Variants in MTUS2 observed in about 807,000 individuals in gnomAD.
MTUS2 encodes microtubule associated scaffold protein 2.
MTUS2 carries 40 observed loss-of-function variants against 114.1 expected under a neutral mutation model. The ratio of observed to expected loss-of-function variants is 0.35; its 90% CI spans 0.27 to 0.46. MTUS2 has a LOEUF of 0.46. Ranked by LOEUF, MTUS2 falls within the 20% of genes least tolerant of loss-of-function variation. MTUS2 has a pLI of 1.00. For missense variants in MTUS2, 1,679 were observed against 1,705.4 expected (o/e 0.98, Z 0.27); for synonymous variants, 688 against 672.0 (o/e 1.02, Z -0.37).
intron 2 of MTUS2, among the ~76,000 whole-genome samples, chr13:28,921,087 T>A (rs994739960): frequency 2.0e-5 from 3 of 152,210 alleles, no homozygotes; most frequent in African/African-American, 7.2e-5. Flanking sequence ...ACAGAGTCCC[T>A]TTTACATTTC....
intron 8 of MTUS2, among the ~76,000 whole-genome samples, chr13:29,423,190 C>T (rs1287611904): frequency 6.6e-6 from 1 of 152,234 alleles, no homozygotes; most frequent in African/African-American, 2.4e-5. Flanking sequence ...GAAGGAGCTG[C>T]TTCCTTCTCA....
chr13:29,344,600 C>G (rs1566143695), intron 7 of MTUS2, among the ~76,000 whole-genome samples: 1 of 152,078 alleles, frequency 6.6e-6, no homozygotes, highest in African/African-American at 2.4e-5. Flanking sequence ...GAATTCTTAT[C>G]CATTCTGCCA....
chr13:29,224,326 C>T (rs563078267), intron 5 of MTUS2, among the ~76,000 whole-genome samples: 1 of 152,280 alleles, frequency 6.6e-6, no homozygotes, highest in Admixed American at 6.5e-5. Context: ...GTCCTGAGTG[C>T]TTTACATTTT....
intron 6 of MTUS2, among the ~76,000 whole-genome samples, chr13:29,291,017 A>G (rs1013446205): frequency 1.3e-5 from 2 of 152,234 alleles, no homozygotes; most frequent in African/African-American, 4.8e-5. Flanking sequence ...ATAAAGCAAC[A>G]AGACAACCAG....
chr13:28,831,130 A>G (rs773686675), intron 1 of MTUS2, among the ~76,000 whole-genome samples: 1 of 145,160 alleles, frequency 6.9e-6, no homozygotes, highest in African/African-American at 2.6e-5. Context: ...AAAGAGTACA[A>G]ACCACTAAGA....
chr13:29,402,578 C>T (rs1874426487), intron 8 of MTUS2, among the ~76,000 whole-genome samples: 1 of 152,106 alleles, frequency 6.6e-6, no homozygotes, highest in East Asian at 1.9e-4. Flanking sequence ...AAGCAAGGAA[C>T]ACCTGTTGCT....
Position 29,503,821 on chromosome 13 carries a change from T to C in MTUS2, c.*615T>C, listed in dbSNP as rs1319231269. On this transcript the variant is annotated 3_prime_UTR_variant, in exon 16 of 16. Coordinates refer to ENST00000612955, the MANE Select transcript of MTUS2 (RefSeq NM_001033602.4). ...CTCTCTTTAACACGAACACCAGCTA[T>C]TTGTGAACGGTAACTGCCTTTGGAA... The C allele has an allele frequency of 4.3e-6, 1 of 234,134 alleles. No individual in the cohort carries two copies. The highest frequency in any genetic ancestry group is 2.2e-5 in the African/African-American group (1 of 45,100). 14.5% of individuals were successfully genotyped at this position (234,134 alleles called of 1,614,324 possible).
intron 5 of MTUS2, among the ~76,000 whole-genome samples, chr13:29,169,528 T>C (rs1163654850): frequency 3.9e-5 from 6 of 152,178 alleles, no homozygotes; most frequent in African/African-American, 1.4e-4. Context: ...ATTAATCAAG[T>C]ATTTGCATTA....
At chr13:29,391,414 C>T (rs1566176076) in intron 8 of MTUS2, among the ~76,000 whole-genome samples, 3 of 152,160 alleles carry the variant, frequency 2.0e-5, no homozygotes. Flanking sequence ...GGATGTTCAC[C>T]ATGTAAATGG....
At chr13:29,161,035 G>T (rs1413317018) in intron 5 of MTUS2, among the ~76,000 whole-genome samples, 12 of 152,350 alleles carry the variant, frequency 7.9e-5, no homozygotes, top group Non-Finnish European at 1.5e-5. Flanking sequence ...AGGAAGGTGA[G>T]TGTGGTTTTA....
chr13:28,936,195 C>A (rs972719256), intron 2 of MTUS2, among the ~76,000 whole-genome samples: 5 of 152,126 alleles, frequency 3.3e-5, no homozygotes, highest in African/African-American at 9.7e-5. Flanking sequence ...GTGATGTTAG[C>A]GGGAAAGCAG....
chr13:29,312,354 A>G (rs1378194509), intron 6 of MTUS2, among the ~76,000 whole-genome samples: 2 of 152,250 alleles, frequency 1.3e-5, no homozygotes, highest in African/African-American at 4.8e-5. Flanking sequence ...TATATGATAA[A>G]TGAATGAATA....
chr13:28,882,808 A>C (rs1226744990), intron 2 of MTUS2, among the ~76,000 whole-genome samples: 1 of 152,224 alleles, frequency 6.6e-6, no homozygotes, highest in Non-Finnish European at 1.5e-5. Context: ...AAAAAATGAA[A>C]AGGCAAGCCA....
At chr13:29,338,467 G>A (rs1901201804) in intron 7 of MTUS2, among the ~76,000 whole-genome samples, 1 of 152,130 alleles carries the variant, frequency 6.6e-6, no homozygotes, top group Admixed American at 6.5e-5. Context: ...GCGTGAGCCT[G>A]TAATCCCAGT....
chr13:28,892,035 A>G (rs1593275617), intron 2 of MTUS2, among the ~76,000 whole-genome samples: 1 of 151,928 alleles, frequency 6.6e-6, no homozygotes, highest in East Asian at 1.9e-4. Flanking sequence ...GCCTGGCTCT[A>G]GGGCTTCCCT....
At chr13:29,373,007 G>A (rs1056330523) in intron 8 of MTUS2, among the ~76,000 whole-genome samples, 1 of 152,200 alleles carries the variant, frequency 6.6e-6, no homozygotes, top group African/African-American at 2.4e-5. Flanking sequence ...AAAATTAGTG[G>A]TGAACATACA....
chr13:29,337,637 G>T (rs1234445327), intron 7 of MTUS2, among the ~76,000 whole-genome samples: 2 of 148,294 alleles, frequency 1.3e-5, no homozygotes, highest in Non-Finnish European at 3.0e-5. Flanking sequence ...GGTCTCACTC[G>T]GTCACCCAGA....
At chr13:29,258,208 A>G (rs572323579) in intron 5 of MTUS2, among the ~76,000 whole-genome samples, 94 of 152,184 alleles carry the variant, frequency 6.2e-4, no homozygotes, top group Non-Finnish European at 1.1e-3. Flanking sequence ...TTCTGAGCTC[A>G]TTCAGATCAT....
intron 2 of MTUS2, among the ~76,000 whole-genome samples, chr13:29,010,815 T>TAA (rs1418566211): frequency 2.0e-5 from 3 of 152,164 alleles, no homozygotes; most frequent in African/African-American, 7.2e-5. Context: ...TTGAAACAGA[T>TAA]TTATCTGGTC....
Sources: gnomAD v4.1 joint callset for allele counts (sites outside exome capture counted in the v4.1 genomes callset) on GRCh38, gnomAD v4.1.1 for gene constraint, MANE v1.5 for transcripts, NCBI Gene and HGNC (gene_info 2026-07-23, HGNC 2026-07-21) for gene names.